SEC62: variants seen among roughly 807,000 people sequenced by gnomAD.
SEC62 encodes SEC62 preprotein translocation factor, also known as translocation protein SEC62.
In SEC62, 10 loss-of-function variants were observed where a neutral mutation model predicts 47.5. The ratio of observed to expected loss-of-function variants is 0.21; its 90% CI spans 0.13 to 0.36. SEC62 has a LOEUF of 0.36. Ranked by LOEUF, SEC62 falls within the 10% of genes least tolerant of loss-of-function variation. The probability of loss-of-function intolerance (pLI) is 1.00; values close to 1 mark genes in which losing one functional copy is unlikely to be tolerated. For missense variants in SEC62, 327 were observed against 464.1 expected, an observed-to-expected ratio of 0.70 and a Z score of 2.71; for synonymous variants, 136 against 150.5, an observed-to-expected ratio of 0.90 and a Z score of 0.71.
At chr3:169,972,750 T>C (rs891088793) in intron 1 of SEC62, among the ~76,000 whole-genome samples, 1 of 142,496 alleles carries the variant, frequency 7.0e-6, no homozygotes, top group African/African-American at 3.1e-5. Flanking sequence ...TTCAAAAATA[T>C]TTTTTCTGCC....
chr3:169,978,185 A>G, intron 3 of SEC62, among the ~76,000 whole-genome samples: 1 of 152,068 alleles, frequency 6.6e-6, no homozygotes, highest in Non-Finnish European at 1.5e-5. Context: ...AGGCTGAGGC[A>G]GGAGAATGGC....
At position 169,982,833 on chromosome 3, in the gene SEC62, G is replaced by T; in HGVS notation, c.378G>T (p.Lys126Asn). 6.6e-7 allele frequency: 1 copy of T among 1,526,606 alleles called. No individual in the cohort carries two copies. 94.6% of individuals were successfully genotyped at this position (1,526,606 alleles called of 1,614,324 possible). The change falls in exon 4 of 8, where the codon AAG becomes AAT. Residue 126 changes from lysine to asparagine, a missense_variant. Lys to Asn is a moderately conservative substitution (Grantham distance 94). Transcript: ENST00000337002. ...GAAAAGAAGAAGATAAAAAGAGCAA[G>T]AAAGAAAATATAAAGGATGAGAAGA... is the stretch of plus-strand genomic sequence containing the variant. ...ESGKEEDKKS[K>N]KENIKDEKTK...
chr3:169,980,795 G>T (rs74938105), intron 3 of SEC62, among the ~76,000 whole-genome samples: 1 of 152,114 alleles, frequency 6.6e-6, no homozygotes, highest in Non-Finnish European at 1.5e-5. Context: ...TATACTTCAA[G>T]TATCTGTATG....
At chr3:169,970,915 G>T (rs554962145) in intron 1 of SEC62, among the ~76,000 whole-genome samples, 2 of 152,232 alleles carry the variant, frequency 1.3e-5, no homozygotes, top group South Asian at 4.1e-4. Context: ...AAGAGGGGGA[G>T]GTACTGTAGT....
chr3:169,979,732 A>G (rs1337673502), intron 3 of SEC62, among the ~76,000 whole-genome samples: 1 of 152,222 alleles, frequency 6.6e-6, no homozygotes, highest in East Asian at 1.9e-4. Context: ...TTGTATCTAA[A>G]GTTCTACTGA....
chr3:169,996,863 C>A lies in SEC62; in HGVS notation c.*3800C>A, dbSNP rs1232515938. ...GGGTAGCCTATACCTATACTTATCT[C>A]CTCATAATATCTTCATGTAAAGAAC... is the stretch of plus-strand genomic sequence containing the variant. On this transcript the variant is annotated 3_prime_UTR_variant, in exon 8 of 8. Transcript: ENST00000337002. The A allele has an allele frequency of 2.0e-5, 3 of 152,160 alleles. No homozygotes were observed. The highest frequency in any genetic ancestry group is 4.4e-5 in the Non-Finnish European group (3 of 68,016). 9.4% of individuals were successfully genotyped at this position (152,160 alleles called of 1,614,324 possible). A position where few individuals can be genotyped will look rare whatever the true frequency, so the allele number is the denominator to read the frequency against.
In SEC62 at chr3:169,995,695, C is replaced by G. The variant is rs1132237; in HGVS notation, c.*2632C>G. 6.6e-6 allele frequency: 1 copy of G among 150,678 alleles called. No homozygotes were observed. The highest frequency in any genetic ancestry group is 2.4e-5 in the African/African-American group (1 of 41,260). 9.3% of individuals were successfully genotyped at this position (150,678 alleles called of 1,614,324 possible). A position where few individuals can be genotyped will look rare whatever the true frequency, so the allele number is the denominator to read the frequency against. ...TGATTCTCATTATTCAAGGTAGTTACGTTCTATAAAGTCACTGCGAACACT... is the reference window on the plus strand; with the variant it reads ...TGATTCTCATTATTCAAGGTAGTTAGGTTCTATAAAGTCACTGCGAACACT... On this transcript the variant is annotated 3_prime_UTR_variant, in exon 8 of 8. Transcript: ENST00000337002.
In SEC62 at chr3:169,983,237, T is replaced by A. The variant is rs1715023756; in HGVS notation, c.533T>A (p.Phe178Tyr). 1 of 1,612,044 alleles carries A rather than the reference T, an allele frequency of 6.2e-7. No individual in the cohort carries two copies. Among genetic ancestry groups the A allele is most frequent in the African/African-American group, 1.3e-5 (1 of 74,836 alleles). ...FKLEPHDDQV[F>Y]LDGNEVYVWI... is the part of the protein sequence containing the mutation. ...CTTGAGCCACATGATGATCAGGTTTTTCTGGATGGAAATGAGGTGAGAGTA... is the reference window on the plus strand; with the variant it reads ...CTTGAGCCACATGATGATCAGGTTTATCTGGATGGAAATGAGGTGAGAGTA... Residue 178 changes from phenylalanine (F) to tyrosine (Y), a missense_variant, in exon 5 of 8, where the codon TTT (phenylalanine) becomes TAT (tyrosine). By Grantham distance (22) the Phe-to-Tyr change is conservative. Around this residue, in one of 3 missense-constraint regions of SEC62, gnomAD observed 99 missense variants for 194.0 expected, o/e 0.51. Transcript: ENST00000337002.
At chr3:169,991,568 C>T (rs958674052) in intron 7 of SEC62, among the ~76,000 whole-genome samples, 4 of 151,924 alleles carry the variant, frequency 2.6e-5, no homozygotes, top group Non-Finnish European at 4.4e-5. Flanking sequence ...CAAAAATTAG[C>T]GGAGCATGGT....
chr3:169,972,580 C>CTTTTTTTT (rs11391826), intron 1 of SEC62, among the ~76,000 whole-genome samples: 1 of 114,960 alleles, frequency 8.7e-6, no homozygotes, highest in Non-Finnish European at 1.7e-5. Context: ...CTTTTTCTAT[C>CTTTTTTTT]TTTTTTTTTT....
At chr3:169,982,544 T>G in intron 3 of SEC62, 163 bp from the exon 4 acceptor site, 1 of 743,790 alleles carries the variant, frequency 1.3e-6, no homozygotes, top group Admixed American at 1.9e-5. Context: ...GTGTTTTGAT[T>G]TAGTGGTAGA....
At chr3:169,987,412 C>CT (rs1715134574) in intron 6 of SEC62, among the ~76,000 whole-genome samples, 1 of 152,166 alleles carries the variant, frequency 6.6e-6, no homozygotes, top group Non-Finnish European at 1.5e-5. Context: ...GAGTAAGACT[C>CT]TGTTTCAGAA....
chr3:169,989,375 C>T (rs1277695456), intron 7 of SEC62, among the ~76,000 whole-genome samples: 2 of 148,904 alleles, frequency 1.3e-5, no homozygotes, highest in Non-Finnish European at 3.0e-5. Context: ...AACCACCACG[C>T]CCAGCCTCCT....
At chr3:169,986,257 T>C (rs1406487827) in intron 6 of SEC62, among the ~76,000 whole-genome samples, 5 of 152,182 alleles carry the variant, frequency 3.3e-5, no homozygotes, top group African/African-American at 1.2e-4. Context: ...TTGTTTTAAT[T>C]TTTGTAAAGG....
chr3:169,986,293 T>G (rs1715105225), intron 6 of SEC62, among the ~76,000 whole-genome samples: 1 of 152,226 alleles, frequency 6.6e-6, no homozygotes. Flanking sequence ...CTTTGAAATT[T>G]TATGTGTCTG....
At chr3:169,978,204 G>A (rs1348711623) in intron 3 of SEC62, among the ~76,000 whole-genome samples, 3 of 152,056 alleles carry the variant, frequency 2.0e-5, no homozygotes, top group Non-Finnish European at 2.9e-5. Context: ...GCGTGAACCC[G>A]GGAGGCGGAG....
At chr3:169,976,407 A>G (rs543386427) in intron 2 of SEC62, among the ~76,000 whole-genome samples, 1 of 152,280 alleles carries the variant, frequency 6.6e-6, no homozygotes, top group East Asian at 1.9e-4. Context: ...TGTAGAGGAA[A>G]AGTCCTTTAT....
chr3:169,982,792 G>C lies in SEC62; in HGVS notation c.337G>C (p.Gly113Arg). Residue 113 changes from glycine to arginine, a missense_variant, in exon 4 of 8, where the codon GGA (glycine) becomes CGA (arginine). Gly to Arg is a moderately radical substitution (Grantham distance 125). Around this residue, in one of 3 missense-constraint regions of SEC62, gnomAD observed 126 missense variants for 161.2 expected, o/e 0.78. Coordinates refer to ENST00000337002, the MANE Select transcript of SEC62 (RefSeq NM_003262.4). ...DKDIKKEKDK[G>R]KAESGKEEDK... ...AGACATAAAGAAAGAAAAAGATAAA[G>C]GAAAAGCTGAAAGTGGAAAAGAAGA... 6.3e-7 allele frequency: 1 copy of C among 1,589,754 alleles called. No individual in the cohort carries two copies. The highest frequency in any genetic ancestry group is 8.6e-7 in the Non-Finnish European group (1 of 1,167,166).
rs1438477019 is a variant in SEC62 at position 169,994,666 on chromosome 3, C to T, written c.*1603C>T. ...CCGTCCCATTTGCAGAGCTCTACTA[C>T]TTCATTTCCACAGTAAGCATATATA... On this transcript the variant is annotated 3_prime_UTR_variant, in exon 8 of 8. Transcript: ENST00000337002. 6.6e-6 allele frequency: 1 copy of T among 152,104 alleles called. No homozygotes were observed. Among genetic ancestry groups the T allele is most frequent in the Admixed American group, 6.6e-5 (1 of 15,256 alleles). 9.4% of individuals were successfully genotyped at this position (152,104 alleles called of 1,614,324 possible).
Sources: gnomAD v4.1 joint callset for allele counts (sites outside exome capture counted in the v4.1 genomes callset) on GRCh38, gnomAD v4.1.1 for gene constraint, gnomAD v4.1.1 regional missense constraint, MANE v1.5 for transcripts, NCBI Gene and HGNC (gene_info 2026-07-23, HGNC 2026-07-21) for gene names.